WDR48: variants seen among roughly 807,000 people sequenced by gnomAD.
WDR48 encodes WD repeat domain 48, also known as WD repeat-containing protein 48.
A neutral mutation model predicts 94.0 loss-of-function variants in WDR48; 22 were observed. That is an observed-to-expected ratio of 0.23 (90% confidence interval 0.17 to 0.33). The LOEUF is 0.33. Ranked by LOEUF, WDR48 falls within the 10% of genes least tolerant of loss-of-function variation. The pLI is 1.00. For missense variants in WDR48, 541 were observed against 813.8 expected (o/e 0.66, Z 4.08); for synonymous variants, 278 against 280.5 (o/e 0.99, Z 0.09).
At position 39,072,257 on chromosome 3, in the gene WDR48, T is replaced by C. The variant is rs571328484; in HGVS notation, c.673-2469T>C. On this transcript the variant is annotated intron_variant, in intron 7 of 18. Coordinates refer to ENST00000302313, the MANE Select transcript of WDR48 (RefSeq NM_020839.4). ...GTTGCTTTGATTGGTGCTAACATTA[T>C]TGGGCAGAGCCACCTATCTTTTTAT... Among the ~76,000 whole-genome samples, 13 of 152,366 alleles carry C rather than the reference T, an allele frequency of 8.5e-5. 1 individual carries two copies. In the South Asian group the frequency reaches 2.7e-3, roughly 32 times the overall value.
intron 1 of WDR48, among the ~76,000 whole-genome samples, chr3:39,056,998 G>T (rs184119587): frequency 6.6e-6 from 1 of 152,258 alleles, no homozygotes; most frequent in Admixed American, 6.5e-5. Flanking sequence ...GGGTGGGGGT[G>T]AGTTCTGTGG....
At chr3:39,082,469 A>G (rs12636931) in intron 11 of WDR48, among the ~76,000 whole-genome samples, 16,066 of 151,932 alleles carry the variant, frequency 0.11, 900 homozygotes, top group Admixed American at 0.14. Context: ...TTTAGTAGAG[A>G]CAGCGTTTCT....
At chr3:39,087,443 C>A (rs1285714427) in intron 14 of WDR48, among the ~76,000 whole-genome samples, 2 of 152,196 alleles carry the variant, frequency 1.3e-5, no homozygotes, top group Non-Finnish European at 2.9e-5. Flanking sequence ...ATAGCAAGAT[C>A]CTGTCCCTAC....
At chr3:39,058,653 A>G (rs1054007301) in intron 1 of WDR48, among the ~76,000 whole-genome samples, 14 of 152,346 alleles carry the variant, frequency 9.2e-5, no homozygotes, top group Non-Finnish European at 2.1e-4. Context: ...TTGGAAAGCC[A>G]ATTCATGCAA....
At chr3:39,080,483 T>C (rs1157718201) in intron 11 of WDR48, among the ~76,000 whole-genome samples, 1 of 152,232 alleles carries the variant, frequency 6.6e-6, no homozygotes, top group Non-Finnish European at 1.5e-5. Context: ...TTAGTCTGCT[T>C]TTATCATTCT....
At chr3:39,094,614 T>C in intron 18 of WDR48, 34 bp from the exon 19 acceptor site, 4 of 1,613,362 alleles carry the variant, frequency 2.5e-6, no homozygotes, top group Non-Finnish European at 3.4e-6. Flanking sequence ...TATTAGAGAC[T>C]TTGAAATTTT....
intron 1 of WDR48, among the ~76,000 whole-genome samples, chr3:39,058,164 C>T (rs2033021008): frequency 6.6e-6 from 1 of 152,108 alleles, no homozygotes; most frequent in Non-Finnish European, 1.5e-5. Context: ...GTGGTGCCAT[C>T]ATAGCTCACT....
At chr3:39,069,861 T>A in intron 7 of WDR48, 117 bp downstream of exon 7, 2 of 728,468 alleles carry the variant, frequency 2.7e-6, no homozygotes, top group South Asian at 2.8e-5. Flanking sequence ...ATTGTCTAAT[T>A]AAAAAATTTT....
rs551150178 is a variant in WDR48 at position 39,084,867 on chromosome 3, G to A, written c.1378+126G>A. 9.2e-5 allele frequency: 63 copies of A among 687,438 alleles called. No homozygotes were observed. The African/African-American group carries it at 1.1e-3, about 12-fold the overall frequency. 42.6% of individuals were successfully genotyped at this position (687,438 alleles called of 1,614,324 possible). A position where few individuals can be genotyped will look rare whatever the true frequency, so the allele number is the denominator to read the frequency against. ...TTTGTTGACTATGTCCTAAAAATGT[G>A]GTATGTACAAATACCTAATGTATAC... On this transcript the variant is annotated intron_variant, in intron 13 of 18. Coordinates refer to ENST00000302313, the MANE Select transcript of WDR48 (RefSeq NM_020839.4).
chr3:39,073,682 A>G (rs915431998), intron 7 of WDR48, among the ~76,000 whole-genome samples: 1 of 152,172 alleles, frequency 6.6e-6, no homozygotes, highest in Non-Finnish European at 1.5e-5. Flanking sequence ...GCACACTCAC[A>G]GTGTGCTCAG....
At chr3:39,066,353 T>C (rs974056488) in intron 3 of WDR48, among the ~76,000 whole-genome samples, 195 bp from the exon 4 acceptor site, 13 of 152,248 alleles carry the variant, frequency 8.5e-5, no homozygotes, top group African/African-American at 1.4e-4. Context: ...TATATTTTTT[T>C]CTTTGAACAT....
rs138859875 is a variant in WDR48, at chr3:39,059,414, G to A, written c.49-3636G>A. Among the ~76,000 whole-genome samples the A allele has an allele frequency of 6.6e-5, 10 of 152,298 alleles. No homozygotes were observed. The East Asian group carries it at 1.9e-3, about 29-fold the overall frequency. ...TGGGGGCAGTCAGTTTGAAATGAGT[G>A]GGGGATGCAGGGTCAGAACTAAGCA... On this transcript the variant is annotated intron_variant, in intron 1 of 18. Transcript: ENST00000302313.
At chr3:39,061,548 T>C (rs2033265547) in intron 1 of WDR48, among the ~76,000 whole-genome samples, 1 of 152,190 alleles carries the variant, frequency 6.6e-6, no homozygotes, top group Admixed American at 6.5e-5. Flanking sequence ...TGAATAGTGC[T>C]GCAATAAACA....
At chr3:39,065,953 T>A in intron 3 of WDR48, 64 bp downstream of exon 3, 1 of 1,267,878 alleles carries the variant, frequency 7.9e-7, no homozygotes, top group Non-Finnish European at 1.1e-6. Flanking sequence ...TATAAGCTTT[T>A]TTATTGAAAC....
chr3:39,073,655 A>G (rs957676681), intron 7 of WDR48, among the ~76,000 whole-genome samples: 1 of 152,124 alleles, frequency 6.6e-6, no homozygotes, highest in African/African-American at 2.4e-5. Flanking sequence ...TGTCTAATTC[A>G]GTCTTTTTCC....
chr3:39,089,968 T>G (rs1168150875), intron 16 of WDR48: 2 of 152,240 alleles, frequency 1.3e-5, no homozygotes, highest in African/African-American at 2.4e-5. Flanking sequence ...AACATCCTTG[T>G]ACATATATCT....
chr3:39,091,180 C>T (rs1433025897), intron 16 of WDR48: 1 of 153,160 alleles, frequency 6.5e-6, no homozygotes, highest in Non-Finnish European at 1.5e-5. Flanking sequence ...AATGGGAGGA[C>T]TTTGATTGGC....
chr3:39,087,191 T>TA (rs1424370628), intron 14 of WDR48, among the ~76,000 whole-genome samples: 10 of 152,210 alleles, frequency 6.6e-5, no homozygotes, highest in Non-Finnish European at 1.0e-4. Context: ...GTGTCATGAA[T>TA]GAATTGGCAC....
intron 1 of WDR48, among the ~76,000 whole-genome samples, chr3:39,055,246 G>A (rs1001801186): frequency 1.3e-5 from 2 of 152,176 alleles, no homozygotes; most frequent in Non-Finnish European, 2.9e-5. Context: ...CAGCACTTTG[G>A]GAGGCCAAGG....
Sources: gnomAD v4.1 joint callset for allele counts (sites outside exome capture counted in the v4.1 genomes callset) on GRCh38, gnomAD v4.1.1 for gene constraint, MANE v1.5 for transcripts, NCBI Gene and HGNC (gene_info 2026-07-23, HGNC 2026-07-21) for gene names.